NAALADL2: variants seen among roughly 807,000 people sequenced by gnomAD.
The protein encoded by NAALADL2 is inactive N-acetylated-alpha-linked acidic dipeptidase-like protein 2.
NAALADL2 carries 76 observed loss-of-function variants against 87.2 expected under a neutral mutation model. That is an observed-to-expected ratio of 0.87 (90% CI 0.72 to 1.05). The LOEUF (loss-of-function observed/expected upper bound fraction) is 1.05, where lower values mean the gene tolerates loss of function less well. Among genes scored for constraint, NAALADL2 ranks in the 50% least tolerant of loss-of-function variants. The pLI is 0.00. For synonymous variants in NAALADL2, 354 were observed against 331.0 expected, an observed-to-expected ratio of 1.07 and a Z score of -0.75; for missense variants, 1,089 against 945.8, an observed-to-expected ratio of 1.15 and a Z score of -1.99.
intron 2 of NAALADL2, among the ~76,000 whole-genome samples, chr3:174,631,244 G>C (rs1229389039): frequency 6.6e-6 from 1 of 152,168 alleles, no homozygotes; most frequent in African/African-American, 2.4e-5. Flanking sequence ...AGTTGCTTAA[G>C]TATATTGACT....
intron 2 of NAALADL2, among the ~76,000 whole-genome samples, chr3:174,564,932 ATATT>A (rs1053224071): frequency 4.0e-5 from 6 of 151,774 alleles, no homozygotes; most frequent in Non-Finnish European, 8.8e-5. Flanking sequence ...TAAAAATGTC[ATATT>A]TATTTATTTT....
At chr3:175,367,077 T>C (rs2148929724) in intron 5 of NAALADL2, among the ~76,000 whole-genome samples, 1 of 151,454 alleles carries the variant, frequency 6.6e-6, no homozygotes, top group African/African-American at 2.4e-5. Context: ...TTTCTACATA[T>C]GGCTAGCCAG....
At chr3:174,479,507 T>C (rs1185387265) in intron 1 of NAALADL2, among the ~76,000 whole-genome samples, 1 of 152,108 alleles carries the variant, frequency 6.6e-6, no homozygotes, top group African/African-American at 2.4e-5. Flanking sequence ...CCATACCTCT[T>C]ATCCATTATG....
Position 174,458,924 on chromosome 3 carries a change from G to T in NAALADL2, c.-184+17892G>T, listed in dbSNP as rs566909205. On this transcript the variant is annotated intron_variant, in intron 1 of 3. Transcript: ENST00000434257. ...CTTCAAGCCTCTATTATGTTTCCTG[G>T]GGTTACTAACATGATCAAAGTAGCA... Among the ~76,000 whole-genome samples, 360 of 152,080 alleles carry T rather than the reference G, an allele frequency of 2.4e-3. 1 individual carries two copies. The highest frequency in any genetic ancestry group is 3.7e-3 in the Admixed American group (56 of 15,264).
intron 5 of NAALADL2, among the ~76,000 whole-genome samples, chr3:175,351,777 G>A (rs1424948387): frequency 1.3e-5 from 2 of 152,084 alleles, no homozygotes; most frequent in Non-Finnish European, 1.5e-5. Context: ...ACTAGTTGGA[G>A]AGGAAGGGAG....
chr3:175,008,766 T>G (rs983472915), intron 1 of NAALADL2, among the ~76,000 whole-genome samples: 12 of 124,092 alleles, frequency 9.7e-5, no homozygotes, highest in African/African-American at 4.2e-4. Context: ...GGTTTGGAGG[T>G]AATCAACCTT....
intron 5 of NAALADL2, among the ~76,000 whole-genome samples, chr3:175,395,064 G>A (rs75624360): frequency 0.018 from 2,727 of 152,152 alleles, 84 homozygotes; most frequent in African/African-American, 0.063. Context: ...AAATAAGGAT[G>A]ATTTGAACAC....
At chr3:174,763,141 T>TAAA (rs11391398) in intron 3 of NAALADL2, among the ~76,000 whole-genome samples, 1 of 148,440 alleles carries the variant, frequency 6.7e-6, no homozygotes. Context: ...CTTATTTTAC[T>TAAA]AAAAAAAAAA....
intron 3 of NAALADL2, among the ~76,000 whole-genome samples, chr3:174,781,357 A>G (rs1011111861): frequency 2.6e-5 from 4 of 151,692 alleles, no homozygotes; most frequent in African/African-American, 9.7e-5. Flanking sequence ...TCTCCTGGAT[A>G]ATATCCTGAA....
At chr3:175,467,928 T>C (rs1724328376) in intron 8 of NAALADL2, among the ~76,000 whole-genome samples, 1 of 152,160 alleles carries the variant, frequency 6.6e-6, no homozygotes, top group East Asian at 1.9e-4. Flanking sequence ...TATTTACTTT[T>C]GTGATTTGTT....
upstream of NAALADL2, among the ~76,000 whole-genome samples, chr3:174,854,882 G>A (rs1319636475): frequency 1.5e-5 from 2 of 134,096 alleles, no homozygotes; most frequent in Non-Finnish European, 3.1e-5. Context: ...TTGTTGCCCA[G>A]GCTGAAGTAT....
At chr3:174,798,014 T>A (rs1313705170) in intron 3 of NAALADL2, among the ~76,000 whole-genome samples, 1 of 144,320 alleles carries the variant, frequency 6.9e-6, no homozygotes, top group African/African-American at 2.5e-5. Flanking sequence ...CTGTGATCTA[T>A]AATCAGTTAG....
At chr3:175,640,570 T>C (rs1729143306) in intron 11 of NAALADL2, among the ~76,000 whole-genome samples, 2 of 152,182 alleles carry the variant, frequency 1.3e-5, no homozygotes, top group South Asian at 4.1e-4. Flanking sequence ...TTGATTCTGA[T>C]TCCCAGGAAG....
chr3:174,882,582 C>T (rs180844206), intron 1 of NAALADL2, among the ~76,000 whole-genome samples: 90 of 144,242 alleles, frequency 6.2e-4, no homozygotes, highest in African/African-American at 2.1e-3. Flanking sequence ...TGTGCTTATA[C>T]ACATATGTGT....
intron 3 of NAALADL2, among the ~76,000 whole-genome samples, chr3:174,744,994 T>C (rs1734112764): frequency 6.6e-6 from 1 of 151,996 alleles, no homozygotes; most frequent in East Asian, 1.9e-4. Flanking sequence ...ATCAGAAAGC[T>C]AGAAAGATCT....
intron 2 of NAALADL2, among the ~76,000 whole-genome samples, chr3:175,213,918 C>G (rs1017154145): frequency 7.2e-5 from 11 of 152,118 alleles, no homozygotes; most frequent in African/African-American, 2.7e-4. Flanking sequence ...ATTTACAACT[C>G]TACACCTGTG....
At position 175,521,010 on chromosome 3, in the gene NAALADL2, A is replaced by C. The variant is rs1218831691; in HGVS notation, c.1653+49252A>C. ...TGATTGTCTGTCATATAAAAGTTGA[A>C]TAGTGTCTCCCTTCAGCCCTAGAGA... On this transcript the variant is annotated intron_variant, in intron 9 of 13. Coordinates refer to ENST00000454872, the MANE Select transcript of NAALADL2 (RefSeq NM_207015.3). Among the ~76,000 whole-genome samples the C allele has an allele frequency of 3.3e-5, 5 of 152,276 alleles. No homozygotes were observed. In the East Asian group the frequency reaches 9.7e-4, roughly 29 times the overall value.
rs772053951 is a variant in NAALADL2, at chr3:174,823,502, TAAATAACTAGGA to T, written c.-9+85758_-9+85769del. Among the ~76,000 whole-genome samples, 156 of 152,282 alleles carry T rather than the reference TAAATAACTAGGA, an allele frequency of 1.0e-3. 1 individual carries two copies. Among genetic ancestry groups the T allele is most frequent in the Non-Finnish European group, 1.9e-3 (128 of 68,022 alleles). ...AAAATATAGATTGTTACAGAAACTT[TAAATAACTAGGA>T]ATGCATTGGTCAACAGATTTTATAT... On this transcript the variant is annotated intron_variant, in intron 3 of 3. Coordinates refer to the NAALADL2 transcript ENST00000434257.
intron 3 of NAALADL2, among the ~76,000 whole-genome samples, chr3:174,764,436 C>T (rs1384602425): frequency 6.6e-6 from 1 of 152,068 alleles, no homozygotes; most frequent in African/African-American, 2.4e-5. Flanking sequence ...ATGGTGAAAC[C>T]CTGTCTCTAC....
Sources: allele counts gnomAD v4.1 joint callset (sites outside exome capture counted in the v4.1 genomes callset), GRCh38; gene constraint gnomAD v4.1.1; transcripts MANE v1.5; gene names NCBI Gene and HGNC (gene_info 2026-07-23, HGNC 2026-07-21).